The following FOSL2 variants were observed in gnomAD, a reference collection of about 807,000 sequenced individuals.
The protein encoded by FOSL2 is FOS like 2, AP-1 transcription factor subunit.
Under a neutral mutation model 27.7 loss-of-function variants are expected in FOSL2, and 3 were observed. The observed-to-expected ratio is 0.11, with a 90% CI of 0.05 to 0.28. The LOEUF (loss-of-function observed/expected upper bound fraction) is 0.28, where lower values mean the gene tolerates loss of function less well. Among genes scored for constraint, FOSL2 ranks in the 10% least tolerant of loss-of-function variants. The probability of loss-of-function intolerance (pLI) is 1.00; values close to 1 mark genes in which losing one functional copy is unlikely to be tolerated. For synonymous variants in FOSL2, 179 were observed against 190.1 expected (o/e 0.94, Z 0.48); for missense variants, 333 against 445.1 (o/e 0.75, Z 2.27).
At position 28,415,588 on chromosome 2, in the gene FOSL2, C is replaced by T. The variant is rs981505412; in HGVS notation, c.*3140C>T. ...GCACTGGGACTTTTTTTCTCTTTTCCTTGATGGACCAACAGTGCAAATGCA... is the reference window on the plus strand; with the variant it reads ...GCACTGGGACTTTTTTTCTCTTTTCTTTGATGGACCAACAGTGCAAATGCA... On this transcript the variant is annotated 3_prime_UTR_variant, in exon 4 of 4. Transcript: ENST00000264716. 6.6e-6 allele frequency: 1 copy of T among 152,130 alleles called. No homozygotes were observed. The highest frequency in any genetic ancestry group is 2.4e-5 in the African/African-American group (1 of 41,416). The allele number at this position is 152,130 out of a possible 1,614,324, so 9.4% of individuals were successfully genotyped here.
At chr2:28,399,395 G>A (rs895875266) in intron 1 of FOSL2, among the ~76,000 whole-genome samples, 5 of 152,180 alleles carry the variant, frequency 3.3e-5, no homozygotes, top group Non-Finnish European at 7.4e-5. Context: ...AGAGTCTCAG[G>A]AGGCAGTTTT....
At position 28,413,321 on chromosome 2, in the gene FOSL2, A is replaced by G. The variant is rs961484081; in HGVS notation, c.*873A>G. 3.0e-5 allele frequency: 12 copies of G among 396,442 alleles called. No homozygotes were observed. Among genetic ancestry groups the G allele is most frequent in the African/African-American group, 2.3e-4 (11 of 48,592 alleles). 24.6% of individuals were successfully genotyped at this position (396,442 alleles called of 1,614,324 possible). On this transcript the variant is annotated 3_prime_UTR_variant, in exon 4 of 4. Transcript: ENST00000264716. ...CTTCCCTTCACCTGGTGTCTTGAGT[A>G]GGGCGTCTCCTGTAATTACTGCCTT...
At chr2:28,407,241 CT>C (rs532160501) in intron 2 of FOSL2, among the ~76,000 whole-genome samples, 11 of 152,232 alleles carry the variant, frequency 7.2e-5, no homozygotes, top group Non-Finnish European at 1.0e-4. Context: ...GTGGTGAGCC[CT>C]AAACCCAGGC....
chr2:28,395,287 C>G (rs918029832), intron 1 of FOSL2, among the ~76,000 whole-genome samples: 1 of 152,248 alleles, frequency 6.6e-6, no homozygotes, highest in Non-Finnish European at 1.5e-5. Flanking sequence ...CCCTCCGTCT[C>G]CCGTTCGACA....
chr2:28,392,887 G>C lies in FOSL2; in HGVS notation c.-834G>C, dbSNP rs1406382848. 2.8e-6 allele frequency: 2 copies of C among 715,052 alleles called. No homozygotes were observed. Among genetic ancestry groups the C allele is most frequent in the Non-Finnish European group, 5.2e-6 (2 of 383,544 alleles). 44.3% of individuals were successfully genotyped at this position (715,052 alleles called of 1,614,324 possible). ...TGACTCATCTCGGGCAGAGCGCTAG[G>C]GCTCCGAGCGAACCAGCGAGCGAGC... On this transcript the variant is annotated 5_prime_UTR_variant, in exon 1 of 4. Transcript: ENST00000264716.
intron 1 of FOSL2, among the ~76,000 whole-genome samples, chr2:28,394,979 C>T (rs964373092): frequency 6.7e-6 from 1 of 149,264 alleles, no homozygotes; most frequent in African/African-American, 2.6e-5. Flanking sequence ...TGGAACGTGG[C>T]TCTCTTTTGG....
At chr2:28,397,624 A>C (rs1474861839) in intron 1 of FOSL2, among the ~76,000 whole-genome samples, 1 of 151,826 alleles carries the variant, frequency 6.6e-6, no homozygotes, top group Non-Finnish European at 1.5e-5. Flanking sequence ...TGCCTGTCTT[A>C]TTATTCAAGG....
At position 28,393,052 on chromosome 2, in the gene FOSL2, G is replaced by C; in HGVS notation, c.-669G>C. ...GGTCTGGGCGCCGGAGCGGGGAGCGGGGCCGCGTCCCTCTCAGCGCCAGCT... is the reference window on the plus strand; with the variant it reads ...GGTCTGGGCGCCGGAGCGGGGAGCGCGGCCGCGTCCCTCTCAGCGCCAGCT... On this transcript the variant is annotated 5_prime_UTR_variant, in exon 1 of 4. Transcript: ENST00000264716. This position sits in a 1 kb window ranked among gnomAD's most constrained non-coding sequence, Gnocchi z 4.6. 2 of 513,804 alleles carry C rather than the reference G, an allele frequency of 3.9e-6. No homozygotes were observed. Among genetic ancestry groups the C allele is most frequent in the Non-Finnish European group, 7.0e-6 (2 of 286,910 alleles). 31.8% of individuals were successfully genotyped at this position (513,804 alleles called of 1,614,324 possible). A position where few individuals can be genotyped will look rare whatever the true frequency, so the allele number is the denominator to read the frequency against.
chr2:28,411,827 C>G, intron 3 of FOSL2, 103 bp from the exon 4 acceptor site: 1 of 1,251,740 alleles, frequency 8.0e-7, no homozygotes, highest in South Asian at 1.2e-5. Context: ...GTGTGTGAGC[C>G]TCTGCTCTCA....
chr2:28,406,399 A>G (rs986589492), intron 2 of FOSL2, among the ~76,000 whole-genome samples: 4 of 152,150 alleles, frequency 2.6e-5, no homozygotes, highest in Non-Finnish European at 5.9e-5. Flanking sequence ...CTCACACCAA[A>G]TTTAGAAATT....
chr2:28,409,248 C>T (rs1024179508), intron 3 of FOSL2, among the ~76,000 whole-genome samples: 15 of 152,218 alleles, frequency 9.9e-5, no homozygotes, highest in South Asian at 6.2e-4. Flanking sequence ...GGCTGCTTCC[C>T]GAGGTTCCAG....
intron 3 of FOSL2, among the ~76,000 whole-genome samples, chr2:28,411,218 G>A (rs1029493613): frequency 1.3e-5 from 2 of 152,082 alleles, no homozygotes; most frequent in African/African-American, 4.8e-5. Context: ...ATCCCACAGG[G>A]ATTTGCTGAG....
At position 28,403,169 on chromosome 2, in the gene FOSL2, T is replaced by G. The variant is rs1345308231; in HGVS notation, c.103-938T>G. Among the ~76,000 whole-genome samples, 3 of 152,204 alleles carry G rather than the reference T, an allele frequency of 2.0e-5. No individual in the cohort carries two copies. In the East Asian group the frequency reaches 5.8e-4, roughly 29 times the overall value. On this transcript the variant is annotated intron_variant, in intron 1 of 3. Transcript: ENST00000264716. The stretch of plus-strand genomic sequence containing the variant: ...TCTCTCCTTCCCGCTTCTTGCAGTT[T>G]CCAGTAGCTGCCTTGGAGAAAGGTC...
chr2:28,408,885 G>C lies in FOSL2; in HGVS notation c.462+19G>C. On this transcript the variant is annotated intron_variant, in intron 3 of 3. Transcript: ENST00000264716. The surrounding 1 kb of genome is among the most constrained non-coding windows in gnomAD (Gnocchi z 4.1). Reference sequence around the variant, plus strand: ...GCAGGCGGTGAGGAACTCTGCGTAGGGTGGGAGCACCTCTGGGTGGGCTGG... The same window carrying C: ...GCAGGCGGTGAGGAACTCTGCGTAGCGTGGGAGCACCTCTGGGTGGGCTGG... The C allele has an allele frequency of 6.4e-7, 1 of 1,572,306 alleles. No homozygotes were observed. The highest frequency in any genetic ancestry group is 1.2e-5 in the South Asian group (1 of 86,398).
Position 28,415,796 on chromosome 2 carries a change from G to A in FOSL2, c.*3348G>A, listed in dbSNP as rs1275072987. 1.3e-5 allele frequency: 2 copies of A among 152,128 alleles called. No individual in the cohort carries two copies. Among genetic ancestry groups the A allele is most frequent in the African/African-American group, 4.8e-5 (2 of 41,420 alleles). The allele number at this position is 152,128 out of a possible 1,614,324, so 9.4% of individuals were successfully genotyped here. A position where few individuals can be genotyped will look rare whatever the true frequency, so the allele number is the denominator to read the frequency against. ...TCTTTATAAAAGGCCCCTAAGTAAT[G>A]GATAAACAGAAACACTTAGAGGTGA... is the stretch of plus-strand genomic sequence containing the variant. On this transcript the variant is annotated 3_prime_UTR_variant, in exon 4 of 4. Coordinates refer to ENST00000264716, the MANE Select transcript of FOSL2 (RefSeq NM_005253.4).
Position 28,417,138 on chromosome 2 carries a change from G to A in FOSL2, c.*4690G>A, listed in dbSNP as rs1183340028. 2 of 151,846 alleles carry A rather than the reference G, an allele frequency of 1.3e-5. No homozygotes were observed. The highest frequency in any genetic ancestry group is 2.9e-5 in the Non-Finnish European group (2 of 67,968). The allele number at this position is 151,846 out of a possible 1,614,324, so 9.4% of individuals were successfully genotyped here. On this transcript the variant is annotated 3_prime_UTR_variant, in exon 4 of 4. Transcript: ENST00000264716. The stretch of plus-strand genomic sequence containing the variant: ...TTGTTGTTTTGTTGTTTTACTATAT[G>A]TAATACAAGCCTACAGTATTTGCAC...
At chr2:28,411,019 G>T (rs1348612808) in intron 3 of FOSL2, among the ~76,000 whole-genome samples, 1 of 151,986 alleles carries the variant, frequency 6.6e-6, no homozygotes, top group African/African-American at 2.4e-5. Context: ...GTGGTGGCAG[G>T]TGCCTGTAGT....
intron 3 of FOSL2, among the ~76,000 whole-genome samples, chr2:28,411,721 A>AC (rs145210638): frequency 0.053 from 8,131 of 152,140 alleles, 738 homozygotes; most frequent in African/African-American, 0.19. Context: ...TTGTTGTCTT[A>AC]CCCCCTCTCC....
At chr2:28,396,167 C>CTT (rs1172291160) in intron 1 of FOSL2, among the ~76,000 whole-genome samples, 1 of 151,978 alleles carries the variant, frequency 6.6e-6, no homozygotes, top group African/African-American at 2.4e-5. Context: ...TCAGCTCTCT[C>CTT]TTTTGGGGGT....
Sources: allele counts gnomAD v4.1 joint callset (sites outside exome capture counted in the v4.1 genomes callset), GRCh38; gene constraint gnomAD v4.1.1; non-coding constraint Gnocchi (gnomAD v3.1); transcripts MANE v1.5; gene names NCBI Gene and HGNC (gene_info 2026-07-23, HGNC 2026-07-21).